ARAP2: variants seen among roughly 807,000 people sequenced by gnomAD.
ARAP2 encodes arf-GAP with Rho-GAP domain, ANK repeat and PH domain-containing protein 2.
ARAP2 carries 148 observed loss-of-function variants against 194.5 expected under a neutral mutation model. The ratio of observed to expected loss-of-function variants is 0.76; its 90% CI spans 0.67 to 0.87. The LOEUF (loss-of-function observed/expected upper bound fraction) is 0.87, where lower values mean the gene tolerates loss of function less well. Ranked by LOEUF, ARAP2 falls within the 40% of genes least tolerant of loss-of-function variation. ARAP2 has a pLI of 0.00. For missense variants in ARAP2, 2,128 were observed against 1,989.7 expected, an observed-to-expected ratio of 1.07 and a Z score of -1.32; for synonymous variants, 695 against 683.5, an observed-to-expected ratio of 1.02 and a Z score of -0.26.
chr4:36,152,923 T>G (rs1223252936), intron 15 of ARAP2, among the ~76,000 whole-genome samples: 1 of 152,080 alleles, frequency 6.6e-6, no homozygotes, highest in Non-Finnish European at 1.5e-5. Context: ...ACCCTAAGAG[T>G]CTCACTTGAT....
chr4:36,131,840 G>A (rs1725529277), intron 20 of ARAP2, among the ~76,000 whole-genome samples: 1 of 151,712 alleles, frequency 6.6e-6, no homozygotes, highest in African/African-American at 2.4e-5. Flanking sequence ...TGTAACAAAT[G>A]AAGGTAACAT....
chr4:36,076,089 A>G (rs1321431253), intron 31 of ARAP2, among the ~76,000 whole-genome samples: 5 of 152,158 alleles, frequency 3.3e-5, no homozygotes, highest in Admixed American at 3.3e-4. Context: ...ATAGTCATCT[A>G]AGTGAGTTTA....
In ARAP2 at chr4:36,084,855, T is replaced by G. The variant is rs546505413; in HGVS notation, c.4426-1405A>C. Reference sequence around the variant, plus strand: ...AGTTCACTATTATTATCATAGTAGATAATATGTTTTAAAAAAACCATATTT... The same window carrying G: ...AGTTCACTATTATTATCATAGTAGAGAATATGTTTTAAAAAAACCATATTT... On this transcript the variant is annotated intron_variant, in intron 28 of 32. Transcript: ENST00000303965. 4.6e-5 allele frequency among the ~76,000 whole-genome samples: 7 copies of G among 152,144 alleles called. No individual in the cohort carries two copies. In the South Asian group the frequency reaches 1.5e-3, roughly 32 times the overall value.
intron 12 of ARAP2, 48 bp downstream of exon 12, chr4:36,161,417 G>T: frequency 6.7e-7 from 1 of 1,502,502 alleles, no homozygotes; most frequent in Non-Finnish European, 9.3e-7. Flanking sequence ...CCCAGTCTCT[G>T]CAAACTGAAC....
At chr4:36,212,524 T>A in intron 4 of ARAP2, 37 bp from the exon 5 acceptor site, 1 of 1,500,434 alleles carries the variant, frequency 6.7e-7, no homozygotes, top group Non-Finnish European at 9.2e-7. Context: ...ACACATACTG[T>A]TTTGCTTTTT....
intron 11 of ARAP2, among the ~76,000 whole-genome samples, chr4:36,163,325 T>C (rs1734523779): frequency 6.6e-6 from 1 of 152,054 alleles, no homozygotes; most frequent in Non-Finnish European, 1.5e-5. Context: ...AGAGGATGGA[T>C]GTCATAGAGA....
chr4:36,048,449 A>G (rs1014691275), intron 3 of ARAP2, among the ~76,000 whole-genome samples: 1 of 152,136 alleles, frequency 6.6e-6, no homozygotes, highest in African/African-American at 2.4e-5. Context: ...CCCACTTATA[A>G]GTGAGAACAT....
At position 36,114,181 on chromosome 4, in the gene ARAP2, T is replaced by G. The variant is rs1720750915; in HGVS notation, c.4145A>C (p.Asn1382Thr). The G allele has an allele frequency of 6.3e-7, 1 of 1,590,016 alleles. No homozygotes were observed. The highest frequency in any genetic ancestry group is 8.6e-7 in the Non-Finnish European group (1 of 1,161,678). ...DIWATFEVIE[N>T]EELERPLHYK... ...TAAAAATCACTTACCTAGCTCTTCA[T>G]TTTCAATGACTTCAAATGTGGCCCA... Residue 1382 changes from asparagine to threonine, a missense_variant, in exon 26 of 33, where the codon AAT becomes ACT. By Grantham distance (65) the Asn-to-Thr change is moderately conservative (BLOSUM62 0). Coordinates refer to ENST00000303965, the MANE Select transcript of ARAP2 (RefSeq NM_015230.4).
chr4:36,244,588 G>A (rs1754314605), upstream of ARAP2: 2 of 150,934 alleles, frequency 1.3e-5, no homozygotes, highest in Admixed American at 6.6e-5. Context: ...CGGCCCAGCC[G>A]GCCTCCCTGG....
intron 2 of ARAP2, among the ~76,000 whole-genome samples, chr4:36,218,323 G>C (rs1049507566): frequency 1.3e-5 from 2 of 152,046 alleles, no homozygotes; most frequent in Admixed American, 6.6e-5. Flanking sequence ...ACTAGAAGTG[G>C]GGAAGTGAGA....
At chr4:36,107,016 T>C (rs1299002128) in intron 27 of ARAP2, among the ~76,000 whole-genome samples, 1 of 151,988 alleles carries the variant, frequency 6.6e-6, no homozygotes, top group Non-Finnish European at 1.5e-5. Context: ...TCAGAAATGG[T>C]CTTATATAGT....
chr4:36,220,326 T>C (rs923694703), intron 2 of ARAP2, among the ~76,000 whole-genome samples: 12 of 152,176 alleles, frequency 7.9e-5, no homozygotes, highest in Admixed American at 5.9e-4. Flanking sequence ...ATAATGAGAA[T>C]GAAAAATTCC....
chr4:36,199,775 A>T (rs1414996130), intron 6 of ARAP2, among the ~76,000 whole-genome samples: 1 of 152,206 alleles, frequency 6.6e-6, no homozygotes, highest in Non-Finnish European at 1.5e-5. Flanking sequence ...CAGCATGGTG[A>T]CTATAGCTAA....
intron 29 of ARAP2, 79 bp downstream of exon 29, chr4:36,083,289 G>T: frequency 9.8e-7 from 1 of 1,015,302 alleles, no homozygotes. Context: ...TTAGACTAAT[G>T]CCACTGATCC....
intron 6 of ARAP2, among the ~76,000 whole-genome samples, chr4:36,200,855 G>C (rs1744218647): frequency 6.6e-6 from 1 of 152,094 alleles, no homozygotes; most frequent in African/African-American, 2.4e-5. Context: ...ACTTCGAAAA[G>C]TTTTCTCTGA....
rs140979866 is a variant in ARAP2, at chr4:36,099,746, G to A, written c.4286-7726C>T. Among the ~76,000 whole-genome samples, 383 of 152,196 alleles carry A rather than the reference G, an allele frequency of 2.5e-3. 2 individuals carry two copies. The highest frequency in any genetic ancestry group is 1.2e-3 in the Admixed American group (19 of 15,262). On this transcript the variant is annotated intron_variant, in intron 27 of 32. Transcript: ENST00000303965. The stretch of plus-strand genomic sequence containing the variant: ...TGACAACCACATTCTCTGCTAGATC[G>A]CAGACAGTAATCTCTAAATCTCAAT...
rs565886026 is a variant in ARAP2 at position 36,066,126 on chromosome 4, G to A, written c.*1781C>T. The A allele has an allele frequency of 1.3e-5, 2 of 152,142 alleles. No homozygotes were observed. The highest frequency in any genetic ancestry group is 2.9e-5 in the Non-Finnish European group (2 of 68,034). 9.4% of individuals were successfully genotyped at this position (152,142 alleles called of 1,614,324 possible). ...AATAGAAAGGGAAACAGCTATTAGA[G>A]TTTAAGCTCAAGTTTCAAGAAGAAT... On this transcript the variant is annotated 3_prime_UTR_variant, in exon 33 of 33. Transcript: ENST00000303965.
intron 1 of ARAP2, among the ~76,000 whole-genome samples, chr4:36,235,108 A>G (rs1315193344): frequency 6.6e-6 from 1 of 152,068 alleles, no homozygotes; most frequent in East Asian, 1.9e-4. Flanking sequence ...AACACTACCT[A>G]TCTACCCTGC....
At chr4:36,117,680 A>G (rs145108889) in intron 24 of ARAP2, among the ~76,000 whole-genome samples, 10 of 151,700 alleles carry the variant, frequency 6.6e-5, no homozygotes, top group African/African-American at 2.4e-4. Flanking sequence ...TACAAATAAC[A>G]TAAATTTAGA....
Sources: gnomAD v4.1 joint callset for allele counts (sites outside exome capture counted in the v4.1 genomes callset) on GRCh38, gnomAD v4.1.1 for gene constraint, MANE v1.5 for transcripts, NCBI Gene and HGNC (gene_info 2026-07-23, HGNC 2026-07-21) for gene names.